USP9X: variants seen among roughly 807,000 people sequenced by gnomAD.
The protein encoded by USP9X is ubiquitin carboxyl-terminal hydrolase 9X.
A neutral mutation model predicts 190.3 loss-of-function variants in USP9X; 7 were observed. The observed-to-expected ratio is 0.04, with a 90% CI of 0.02 to 0.07. USP9X has a LOEUF of 0.07. USP9X is among the 10% of genes least tolerant of loss of function. The pLI, the probability that USP9X is intolerant of heterozygous loss-of-function variation, is 1.00. For missense variants in USP9X, 1,010 were observed against 1,916.9 expected (o/e 0.53, Z 8.83); for synonymous variants, 645 against 659.5 (o/e 0.98, Z 0.34).
intron 31 of USP9X, among the ~76,000 whole-genome samples, chrX:41,202,969 T>C (rs1433564913): frequency 8.9e-6 from 1 of 111,842 alleles, no homozygotes; most frequent in African/African-American, 3.3e-5. Flanking sequence ...TTTTGGCTTA[T>C]GTTTTTGTTT....
chrX:41,187,913 A>G, intron 24 of USP9X, 79 bp from the exon 25 acceptor site: 1 of 1,042,129 alleles, frequency 9.6e-7, no homozygotes, highest in Non-Finnish European at 1.3e-6. Context: ...TTTCCTTTAC[A>G]AAGTGAAACA....
chrX:41,086,532 A>C (rs1267983774), intron 1 of USP9X, among the ~76,000 whole-genome samples: 1 of 111,872 alleles, frequency 8.9e-6, no homozygotes, highest in South Asian at 3.7e-4. Flanking sequence ...GTCTGGTTCC[A>C]CTTGACACCA....
intron 32 of USP9X, among the ~76,000 whole-genome samples, chrX:41,208,690 G>C (rs1275609881): frequency 9.1e-6 from 1 of 110,002 alleles, no homozygotes; most frequent in African/African-American, 3.3e-5. Flanking sequence ...TTTTTTTTAA[G>C]TTTTGTTTGT....
chrX:41,168,357 A>AT (rs1223980001), intron 18 of USP9X, 139 bp downstream of exon 18: 16 of 528,608 alleles, frequency 3.0e-5, no homozygotes, highest in Non-Finnish European at 4.2e-5. Flanking sequence ...ATTTCATCTA[A>AT]TTTTTTTTAA....
chrX:41,174,372 C>T (rs749121523), intron 21 of USP9X, among the ~76,000 whole-genome samples: 4 of 111,399 alleles, frequency 3.6e-5, no homozygotes, highest in African/African-American at 9.8e-5. Flanking sequence ...CCATGGATAC[C>T]GGGGAATAAC....
chrX:41,143,493 A>G, intron 10 of USP9X, 50 bp downstream of exon 10: 4 of 1,051,442 alleles, frequency 3.8e-6, no homozygotes, highest in Non-Finnish European at 5.1e-6. Flanking sequence ...AAAGATACTA[A>G]AAACTGAAGA....
chrX:41,176,390 A>G (rs1314283287), intron 21 of USP9X, among the ~76,000 whole-genome samples: 2 of 111,903 alleles, frequency 1.8e-5, no homozygotes, highest in Non-Finnish European at 1.9e-5. Context: ...CCAGGCAGGT[A>G]CTTCAGTGTG....
intron 15 of USP9X, among the ~76,000 whole-genome samples, chrX:41,164,649 T>C (rs1397943338): frequency 1.8e-5 from 2 of 112,270 alleles, no homozygotes; most frequent in Non-Finnish European, 3.8e-5. Context: ...TGCCAGACAC[T>C]TTATATTTAC....
chrX:41,158,097 C>T (rs1194893195), intron 14 of USP9X, among the ~76,000 whole-genome samples: 1 of 110,761 alleles, frequency 9.0e-6, no homozygotes, highest in Non-Finnish European at 1.9e-5. Flanking sequence ...ATCTGAAGAA[C>T]ACAGGAAAAG....
At chrX:41,189,519 G>T (rs745899078) in intron 26 of USP9X, 44 bp downstream of exon 26, 11 of 1,112,049 alleles carry the variant, frequency 9.9e-6, no homozygotes, top group Non-Finnish European at 1.3e-5. Context: ...TTTTGTAAAT[G>T]GAGTGAATTA....
intron 26 of USP9X, among the ~76,000 whole-genome samples, chrX:41,191,056 G>A (rs1240263966): frequency 1.8e-5 from 2 of 111,189 alleles, no homozygotes; most frequent in East Asian, 2.8e-4. Flanking sequence ...GGCCGGGCAC[G>A]GTGGCTCATG....
chrX:41,136,808 G>A lies in USP9X; in HGVS notation c.440G>A (p.Cys147Tyr). Residue 147 changes from cysteine to tyrosine, a missense_variant, in exon 6 of 45, where the codon TGT (cysteine) becomes TAT (tyrosine). Cys to Tyr is a radical substitution (Grantham distance 194). Coordinates refer to ENST00000378308, the MANE Select transcript of USP9X (RefSeq NM_001039591.3). ...CCTTTCCCCCTTGTATAACAGAGGTGTATTATTAACAATACTCATCGTCTG... is the reference window on the plus strand; with the variant it reads ...CCTTTCCCCCTTGTATAACAGAGGTATATTATTAACAATACTCATCGTCTG... ...VSGWKFEIHR[C>Y]IINNTHRLVE... 8.3e-7 allele frequency: 1 copy of A among 1,206,022 alleles called. No individual in the cohort carries two copies. The highest frequency in any genetic ancestry group is 1.1e-6 in the Non-Finnish European group (1 of 890,569).
intron 32 of USP9X, among the ~76,000 whole-genome samples, chrX:41,209,570 C>T (rs2063141125): frequency 9.0e-6 from 1 of 110,997 alleles, no homozygotes; most frequent in Non-Finnish European, 1.9e-5. Flanking sequence ...ATAAAGGGTA[C>T]CTTTTCCCTT....
rs200592911 is a variant in USP9X, at chrX:41,126,407, GTAGT to G, written c.97-2589_97-2586del. 7.1e-3 allele frequency among the ~76,000 whole-genome samples: 791 copies of G among 112,040 alleles called. 6 individuals are homozygous for G. The highest frequency in any genetic ancestry group is 0.023 in the African/African-American group (708 of 30,866). ...ATTTCTAATTTTACACCAGAAGCTA[GTAGT>G]TAGAGTTCCAGTATCTTTCCCTCTT... On this transcript the variant is annotated intron_variant, in intron 2 of 44. Transcript: ENST00000378308.
At chrX:41,186,782 A>G (rs2062880508) in intron 24 of USP9X, 140 bp downstream of exon 24, 5 of 712,076 alleles carry the variant, frequency 7.0e-6, no homozygotes, top group Non-Finnish European at 1.0e-5. Flanking sequence ...TTTTTAATCA[A>G]CTTTATGTAT....
At chrX:41,151,485 A>G (rs1206210244) in intron 13 of USP9X, among the ~76,000 whole-genome samples, 1 of 111,844 alleles carries the variant, frequency 8.9e-6, no homozygotes, top group Non-Finnish European at 1.9e-5. Flanking sequence ...TCTTTATACT[A>G]TCTTAGGTGT....
intron 9 of USP9X, among the ~76,000 whole-genome samples, chrX:41,142,260 G>C (rs1601966693): frequency 8.9e-6 from 1 of 111,777 alleles, no homozygotes; most frequent in Non-Finnish European, 1.9e-5. Flanking sequence ...GCTGGTTCTT[G>C]AACCAGTCCT....
In USP9X at chrX:41,148,580, G is replaced by A. The variant is rs200022862; in HGVS notation, c.1626+5G>A. 5.0e-6 allele frequency: 6 copies of A among 1,206,753 alleles called. No individual in the cohort carries two copies. The East Asian group carries it at 1.2e-4, about 24-fold the overall frequency. ...CTAGATTACAGTTGCTCCCAGGTAA[G>A]AGTGTACTGCTTTGCTCACTTTTTG... is the stretch of plus-strand genomic sequence containing the variant. On this transcript the variant is annotated splice_donor_5th_base_variant and intron_variant, in intron 12 of 44. Transcript: ENST00000378308.
intron 32 of USP9X, 125 bp from the exon 33 acceptor site, chrX:41,210,384 T>C: frequency 1.5e-6 from 1 of 686,689 alleles, no homozygotes; most frequent in Non-Finnish European, 2.2e-6. Flanking sequence ...AATTGAGGAA[T>C]AAAATCTCGG....
Sources: allele counts gnomAD v4.1 joint callset (sites outside exome capture counted in the v4.1 genomes callset), GRCh38; gene constraint gnomAD v4.1.1; transcripts MANE v1.5; gene names NCBI Gene and HGNC (gene_info 2026-07-23, HGNC 2026-07-21).